Variants in THADA observed in about 807,000 individuals in gnomAD.
THADA encodes the protein THADA armadillo repeat containing.
Under a neutral mutation model 219.8 loss-of-function variants are expected in THADA, and 213 were observed. The observed-to-expected ratio is 0.97, with a 90% confidence interval of 0.87 to 1.09. The LOEUF (loss-of-function observed/expected upper bound fraction) is 1.09. Ranked by LOEUF, THADA falls within the 50% of genes least tolerant of loss-of-function variation. THADA has a pLI of 0.00. For missense variants in THADA, 2,956 were observed against 2,311.3 expected (o/e 1.28, Z -5.72); for synonymous variants, 1,018 against 828.9 (o/e 1.23, Z -3.92).
chr2:43,333,124 A>G (rs1363658784), intron 30 of THADA: 1 of 152,224 alleles, frequency 6.6e-6, no homozygotes, highest in Non-Finnish European at 1.5e-5. Flanking sequence ...TATTTGTAAA[A>G]GGGATATTTA....
At chr2:43,263,062 G>T (rs1009094804) in intron 36 of THADA, among the ~76,000 whole-genome samples, 3 of 152,170 alleles carry the variant, frequency 2.0e-5, no homozygotes, top group African/African-American at 4.8e-5. Context: ...TCTACCTTTA[G>T]TGTTTGTCCT....
At chr2:43,379,590 C>T (rs1269736596) in intron 29 of THADA, among the ~76,000 whole-genome samples, 2 of 152,226 alleles carry the variant, frequency 1.3e-5, no homozygotes, top group Non-Finnish European at 2.9e-5. Flanking sequence ...CTCTCATTCA[C>T]TGCTGGTGGG....
intron 29 of THADA, among the ~76,000 whole-genome samples, chr2:43,385,334 C>T (rs1439882874): frequency 3.9e-5 from 6 of 151,992 alleles, no homozygotes; most frequent in African/African-American, 1.2e-4. Flanking sequence ...AAGCTGGGTG[C>T]GGTGGCTCAT....
At chr2:43,404,553 C>G (rs1016769418) in intron 28 of THADA, among the ~76,000 whole-genome samples, 2 of 151,998 alleles carry the variant, frequency 1.3e-5, no homozygotes, top group Non-Finnish European at 2.9e-5. Flanking sequence ...CAGAATCAAT[C>G]ACTTCCTTCC....
chr2:43,423,183 G>A (rs568471462), intron 28 of THADA, among the ~76,000 whole-genome samples: 2 of 152,142 alleles, frequency 1.3e-5, no homozygotes, highest in Non-Finnish European at 2.9e-5. Flanking sequence ...ATGCTTGAAG[G>A]TTATTTTGAA....
intron 35 of THADA, among the ~76,000 whole-genome samples, chr2:43,285,570 T>A (rs1673895710): frequency 6.6e-6 from 1 of 151,682 alleles, no homozygotes; most frequent in Non-Finnish European, 1.5e-5. Context: ...TCAGGTAGTT[T>A]TTTTTTTTTT....
chr2:43,564,744 T>C (rs933918824), intron 15 of THADA: 2 of 152,234 alleles, frequency 1.3e-5, no homozygotes, highest in African/African-American at 4.8e-5. Flanking sequence ...AATACTCTAA[T>C]AGGATGCCCT....
At chr2:43,447,181 A>AC (rs1443908245) in intron 26 of THADA, among the ~76,000 whole-genome samples, 3 of 151,390 alleles carry the variant, frequency 2.0e-5, no homozygotes, top group East Asian at 1.9e-4. Context: ...TAAAACCATC[A>AC]CCCCCCATGA....
intron 29 of THADA, among the ~76,000 whole-genome samples, chr2:43,357,510 G>A (rs190184558): frequency 9.8e-4 from 149 of 152,266 alleles, no homozygotes; most frequent in African/African-American, 3.4e-3. Context: ...ATTTTGTTAT[G>A]CCCACTTCTA....
At chr2:43,550,897 A>T (rs1696668640) in intron 19 of THADA, among the ~76,000 whole-genome samples, 1 of 152,226 alleles carries the variant, frequency 6.6e-6, no homozygotes, top group African/African-American at 2.4e-5. Flanking sequence ...AGGCCAAGGC[A>T]GAAGGATTGC....
chr2:43,383,108 G>A (rs1028980443), intron 29 of THADA, among the ~76,000 whole-genome samples: 3 of 152,030 alleles, frequency 2.0e-5, no homozygotes, highest in African/African-American at 7.3e-5. Context: ...TTATGGGATG[G>A]GACTAAAATG....
chr2:43,338,566 G>C (rs573372006), intron 30 of THADA, among the ~76,000 whole-genome samples: 45 of 152,194 alleles, frequency 3.0e-4, no homozygotes, highest in Non-Finnish European at 5.1e-4. Context: ...TCTGTCTCTA[G>C]GTCTTGACTA....
Position 43,586,579 on chromosome 2 carries a change from G to A in THADA, c.484+123C>T, listed in dbSNP as rs1012270655. ...TGGAAACAAAAATTTAAAAGGAAGG[G>A]TCATGATGTACCTAAGTTATCTACA... On this transcript the variant is annotated intron_variant, in intron 6 of 37. Transcript: ENST00000405975. The A allele has an allele frequency of 1.4e-5, 19 of 1,320,420 alleles. No homozygotes were observed. In the African/African-American group the frequency reaches 2.8e-4, roughly 20 times the overall value. 81.8% of individuals were successfully genotyped at this position (1,320,420 alleles called of 1,614,324 possible).
intron 36 of THADA, among the ~76,000 whole-genome samples, chr2:43,268,050 G>C (rs1057412471): frequency 3.9e-5 from 6 of 152,196 alleles, no homozygotes; most frequent in African/African-American, 1.4e-4. Context: ...AGAGGGAGAA[G>C]ACAAGTTGCC....
At chr2:43,259,252 A>T (rs1456115219) in intron 36 of THADA, among the ~76,000 whole-genome samples, 1 of 152,190 alleles carries the variant, frequency 6.6e-6, no homozygotes, top group Non-Finnish European at 1.5e-5. Flanking sequence ...GGGCCAGAAA[A>T]GGCTGTCTTG....
chr2:43,406,578 A>C (rs1393278748), intron 28 of THADA, among the ~76,000 whole-genome samples: 1 of 152,236 alleles, frequency 6.6e-6, no homozygotes, highest in Non-Finnish European at 1.5e-5. Flanking sequence ...CTTAGCAATA[A>C]TTCTTTCCTG....
chr2:43,496,002 G>C (rs911972574), intron 25 of THADA, among the ~76,000 whole-genome samples: 1 of 152,116 alleles, frequency 6.6e-6, no homozygotes, highest in Non-Finnish European at 1.5e-5. Context: ...AACCTCAAAG[G>C]ATTCCTCTTC....
At chr2:43,334,543 T>C (rs768535403) in intron 30 of THADA, among the ~76,000 whole-genome samples, 15 of 152,206 alleles carry the variant, frequency 9.9e-5, no homozygotes, top group Non-Finnish European at 2.1e-4. Flanking sequence ...TCTGAGAGCC[T>C]GTTTTTCTCA....
intron 21 of THADA, among the ~76,000 whole-genome samples, chr2:43,540,937 C>T (rs530583890): frequency 1.3e-5 from 2 of 152,150 alleles, no homozygotes; most frequent in Admixed American, 6.5e-5. Context: ...GTAAAATCTA[C>T]AGTTATTTAT....
Sources: allele counts gnomAD v4.1 joint callset (sites outside exome capture counted in the v4.1 genomes callset), GRCh38; gene constraint gnomAD v4.1.1; transcripts MANE v1.5; gene names NCBI Gene and HGNC (gene_info 2026-07-23, HGNC 2026-07-21).